The following UBAP2 variants were observed in gnomAD, a reference collection of about 807,000 sequenced individuals.
UBAP2 encodes the protein ubiquitin-associated protein 2.
UBAP2 carries 75 observed loss-of-function variants against 139.6 expected under a neutral mutation model. That is an observed-to-expected ratio of 0.54 (90% CI 0.45 to 0.65). The LOEUF is 0.65. Among genes scored for constraint, UBAP2 ranks in the 30% least tolerant of loss-of-function variants. UBAP2 has a pLI of 0.00. For synonymous variants in UBAP2, 526 were observed against 526.2 expected (o/e 1.00, Z 0.01); for missense variants, 1,368 against 1,369.6 (o/e 1.00, Z 0.02).
Position 33,953,397 on chromosome 9 carries a change from T to C in UBAP2, c.944A>G (p.Gln315Arg), listed in dbSNP as rs1343133008. The change falls in exon 12 of 29, where the codon CAA becomes CGA. Residue 315 changes from glutamine to arginine, a missense_variant. Gln to Arg is a conservative substitution (Grantham distance 43). Coordinates refer to ENST00000379238, the MANE Select transcript of UBAP2 (RefSeq NM_001370062.2). ...ASEANSFETS[Q>R]QQGFGQALVF... ...AAGGGCTTGGCCAAAGCCCTGCTGTTGGGAAGTTTCAAAGGAGTTGGCTTC... is the reference window on the plus strand; with the variant it reads ...AAGGGCTTGGCCAAAGCCCTGCTGTCGGGAAGTTTCAAAGGAGTTGGCTTC... 3 of 1,614,134 alleles carry C rather than the reference T, an allele frequency of 1.9e-6. No homozygotes were observed. The Admixed American group carries it at 5.0e-5, about 27-fold the overall frequency.
At chr9:33,933,279 C>T (rs1824161727) in intron 18 of UBAP2, among the ~76,000 whole-genome samples, 2 of 152,164 alleles carry the variant, frequency 1.3e-5, no homozygotes, top group African/African-American at 2.4e-5. Context: ...GTGCTCTGTG[C>T]CAGCAGAGGC....
rs1475867123 is a variant in UBAP2, at chr9:34,048,863, G to C, written c.-80C>G. ...GGAGGACCCAAGACCCGCTGCCGCC[G>C]CCGCCGCTCGTTACCTGCCAATGTG... On this transcript the variant is annotated 5_prime_UTR_variant, in exon 1 of 29. Coordinates refer to ENST00000379238, the MANE Select transcript of UBAP2 (RefSeq NM_001370062.2). 2 of 152,396 alleles carry C rather than the reference G, an allele frequency of 1.3e-5. No individual in the cohort carries two copies. Among genetic ancestry groups the C allele is most frequent in the Non-Finnish European group, 2.9e-5 (2 of 68,248 alleles). The allele number at this position is 152,396 out of a possible 1,614,324, so 9.4% of individuals were successfully genotyped here. A position where few individuals can be genotyped will look rare whatever the true frequency, so the allele number is the denominator to read the frequency against.
At chr9:34,014,972 A>T (rs868485334) in intron 2 of UBAP2, among the ~76,000 whole-genome samples, 1 of 152,196 alleles carries the variant, frequency 6.6e-6, no homozygotes, top group South Asian at 2.1e-4. Flanking sequence ...ATACCAGCAG[A>T]ATACTACACT....
intron 8 of UBAP2, chr9:33,968,176 G>A: frequency 3.3e-6 from 2 of 607,950 alleles, no homozygotes; most frequent in Non-Finnish European, 6.4e-6. Context: ...GAAATCTACT[G>A]GGTTTTGGGA....
chr9:33,926,430 CTG>C (rs1277953417), intron 22 of UBAP2, among the ~76,000 whole-genome samples, 185 bp downstream of exon 22: 3 of 152,212 alleles, frequency 2.0e-5, no homozygotes, highest in Non-Finnish European at 4.4e-5. Flanking sequence ...ACTGGATACT[CTG>C]TGCTAAAGCT....
At chr9:33,949,721 ATG>A (rs1564026640) in intron 12 of UBAP2, among the ~76,000 whole-genome samples, 4 of 152,054 alleles carry the variant, frequency 2.6e-5, no homozygotes, top group Non-Finnish European at 4.4e-5. Flanking sequence ...GTGTGCGCGC[ATG>A]CACGCGCACA....
chr9:34,010,519 T>C (rs1056092161), intron 2 of UBAP2, among the ~76,000 whole-genome samples: 5 of 151,684 alleles, frequency 3.3e-5, no homozygotes, highest in African/African-American at 1.2e-4. Flanking sequence ...CCATTAATCA[T>C]TTAATTCACT....
At chr9:33,963,813 A>G (rs758811516) in intron 8 of UBAP2, 22 bp from the exon 9 acceptor site, 1 of 1,579,154 alleles carries the variant, frequency 6.3e-7, no homozygotes, top group Admixed American at 1.7e-5. Context: ...TGTAAAATTG[A>G]GGGTTTAAAC....
chr9:33,939,648 G>A (rs558423051), intron 16 of UBAP2, among the ~76,000 whole-genome samples: 1 of 146,936 alleles, frequency 6.8e-6, no homozygotes, highest in Admixed American at 6.9e-5. Context: ...CTACTCGGGA[G>A]GCTGAGGTTG....
intron 2 of UBAP2, among the ~76,000 whole-genome samples, chr9:34,008,461 C>G (rs1293574262): frequency 6.6e-6 from 1 of 151,990 alleles, no homozygotes. Context: ...ACTCTGTCAT[C>G]AGCTGGGTGC....
chr9:34,048,300 C>T (rs560694684), intron 1 of UBAP2, among the ~76,000 whole-genome samples: 4 of 152,150 alleles, frequency 2.6e-5, no homozygotes, highest in Non-Finnish European at 5.9e-5. Flanking sequence ...CCAATTGAGA[C>T]CAATGCCCTA....
intron 1 of UBAP2, among the ~76,000 whole-genome samples, chr9:34,048,079 A>C (rs1389095998): frequency 6.6e-6 from 1 of 152,154 alleles, no homozygotes; most frequent in Non-Finnish European, 1.5e-5. Flanking sequence ...TAGACTAAAA[A>C]CTCAGGGGAA....
At chr9:34,035,952 G>A (rs1429782605) in intron 1 of UBAP2, among the ~76,000 whole-genome samples, 1 of 151,636 alleles carries the variant, frequency 6.6e-6, no homozygotes, top group African/African-American at 2.4e-5. Flanking sequence ...AGGCTGCAGT[G>A]AGCCTGATCG....
rs368536397 is a variant in UBAP2 at position 33,959,022 on chromosome 9, A to G, written c.798+1804T>C. 5.3e-5 allele frequency among the ~76,000 whole-genome samples: 8 copies of G among 152,108 alleles called. 1 individual carries two copies. In the East Asian group the frequency reaches 5.8e-4, roughly 11 times the overall value. ...ACATTGGCCAGGCATGGTGGCGTGCATCTATAATTCCAGCTACTCAGGTGG... is the reference window on the plus strand; with the variant it reads ...ACATTGGCCAGGCATGGTGGCGTGCGTCTATAATTCCAGCTACTCAGGTGG... On this transcript the variant is annotated intron_variant, in intron 10 of 28. Transcript: ENST00000379238.
Position 33,963,756 on chromosome 9 carries a change from G to C in UBAP2, c.715C>G (p.Leu239Val), listed in dbSNP as rs1827246616. ...AGTCCATAAGAACTTTTGTTTGACA[G>C]ATCCTGAGCTATGTTGTGAGTATTT... The part of the protein sequence containing the change: ...ASNTHNIAQD[L>V]SNKSSYGLKG... Residue 239 changes from leucine (L) to valine (V), a missense_variant, in exon 9 of 29, where the codon CTG (leucine) becomes GTG (valine). By Grantham distance (32) the Leu-to-Val change is conservative. Transcript: ENST00000379238. The C allele has an allele frequency of 3.1e-6, 5 of 1,612,516 alleles. No individual in the cohort carries two copies. The highest frequency in any genetic ancestry group is 3.4e-6 in the Non-Finnish European group (4 of 1,178,828).
intron 16 of UBAP2, 105 bp from the exon 17 acceptor site, chr9:33,935,983 ATC>A (rs1396132648): frequency 1.9e-6 from 2 of 1,060,466 alleles, no homozygotes; most frequent in Non-Finnish European, 2.7e-6. Context: ...AGAAACAATT[ATC>A]TCTTTTATTC....
intron 4 of UBAP2, chr9:33,995,428 AT>A (rs1342315696): frequency 7.4e-6 from 1 of 136,028 alleles, no homozygotes; most frequent in Admixed American, 7.9e-5. Context: ...TTTATATATT[AT>A]TAAACAAATA....
At chr9:33,923,122 A>G in intron 26 of UBAP2, 64 bp downstream of exon 26, 1 of 1,612,172 alleles carries the variant, frequency 6.2e-7, no homozygotes, top group South Asian at 1.1e-5. Flanking sequence ...GCCCTGCCTG[A>G]GAGGGGATCA....
At chr9:33,946,652 C>T (rs1175841049) in intron 13 of UBAP2, among the ~76,000 whole-genome samples, 4 of 152,064 alleles carry the variant, frequency 2.6e-5, no homozygotes, top group African/African-American at 7.2e-5. Flanking sequence ...TTCTGCCTCC[C>T]CAAGTGCTGG....
Sources: allele counts gnomAD v4.1 joint callset (sites outside exome capture counted in the v4.1 genomes callset), GRCh38; gene constraint gnomAD v4.1.1; transcripts MANE v1.5; gene names NCBI Gene and HGNC (gene_info 2026-07-23, HGNC 2026-07-21).